FAT2: variants seen among roughly 807,000 people sequenced by gnomAD.
FAT2 encodes protocadherin Fat 2.
FAT2 carries 150 observed loss-of-function variants against 295.3 expected under a neutral mutation model. The ratio of observed to expected loss-of-function variants is 0.51; its 90% confidence interval spans 0.44 to 0.58. FAT2 has a LOEUF of 0.58. Ranked by LOEUF, FAT2 falls within the 20% of genes least tolerant of loss-of-function variation. The pLI, the probability that FAT2 is intolerant of heterozygous loss-of-function variation, is 0.00. For synonymous variants in FAT2, 2,026 were observed against 2,150.3 expected, an observed-to-expected ratio of 0.94 and a Z score of 1.60; for missense variants, 4,868 against 5,442.7, an observed-to-expected ratio of 0.89 and a Z score of 3.32.
chr5:151,513,746 A>G (rs1752559727), intron 20 of FAT2, among the ~76,000 whole-genome samples: 2 of 152,224 alleles, frequency 1.3e-5, no homozygotes, highest in African/African-American at 2.4e-5. Flanking sequence ...AAACTAAACT[A>G]AAAATTGGAA....
Position 151,543,503 on chromosome 5 carries a change from T to G in FAT2, c.7624A>C (p.Lys2542Gln). 1 of 1,614,248 alleles carries G rather than the reference T, an allele frequency of 6.2e-7. No homozygotes were observed. ...NPNGQIATLQ[K>Q]LDRENSTERV... ...TCTGTTGAATTTTCCCGATCCAGTT[T>G]CTGCAGAGTGGCAATCTGGCCATTG... is the stretch of plus-strand genomic sequence containing the variant. The change falls in exon 10 of 24, where the codon AAA becomes CAA. Residue 2542 changes from lysine to glutamine, a missense_variant. By Grantham distance (53) the Lys-to-Gln change is moderately conservative. This residue lies in a region of FAT2 where 3,297 missense variants were observed against 3,669.4 expected (regional missense o/e 0.90). Transcript: ENST00000261800.
intron 12 of FAT2, among the ~76,000 whole-genome samples, chr5:151,535,527 G>T (rs1355177916): frequency 2.0e-5 from 3 of 149,872 alleles, no homozygotes; most frequent in African/African-American, 7.4e-5. Flanking sequence ...GGACATGGGA[G>T]CCCCTTTCCT....
At chr5:151,509,813 T>A in intron 22 of FAT2, 1 of 580,604 alleles carries the variant, frequency 1.7e-6, no homozygotes, top group Non-Finnish European at 3.1e-6. Context: ...CCGTTTCTCC[T>A]GCCTGGTCCG....
rs769869394 is a variant in FAT2, at chr5:151,566,120, G to A, written c.2812C>T (p.Leu938=). 4 of 1,614,060 alleles carry A rather than the reference G, an allele frequency of 2.5e-6. No homozygotes were observed. In the Admixed American group the frequency reaches 5.0e-5, roughly 20 times the overall value. ...EHNRLKVPED[L]PPGTVLTFLD... is the part of the protein sequence containing the mutation. ...AATGTCAAGACAGTCCCGGGGGGCA[G>A]GTCCTCTGGAACCTTCAGCCTGTTG... is the stretch of plus-strand genomic sequence containing the variant. Residue 938 remains leucine, a synonymous_variant, in exon 2 of 24, where the codon CTG becomes TTG. Transcript: ENST00000261800.
chr5:151,537,898 T>TG lies in FAT2; in HGVS notation c.9087dup (p.Ile3030HisfsTer12). 1.2e-6 allele frequency: 2 copies of TG among 1,614,108 alleles called. No individual in the cohort carries two copies. The highest frequency in any genetic ancestry group is 1.7e-6 in the Non-Finnish European group (2 of 1,180,000). ...AAGTCTGTGGCAGAAACCTTCAAAA[T>TG]GAAGTGTCCTGGAAATACATCTTCA... On this transcript the variant is annotated frameshift_variant, in exon 12 of 24. Coordinates refer to ENST00000261800, the MANE Select transcript of FAT2 (RefSeq NM_001447.3). LOFTEE classifies it high-confidence loss of function.
intron 3 of FAT2, among the ~76,000 whole-genome samples, chr5:151,558,729 G>T (rs376169739): frequency 6.6e-6 from 1 of 152,140 alleles, no homozygotes; most frequent in African/African-American, 2.4e-5. Flanking sequence ...ATTCACTAGG[G>T]TCCTAGTACT....
intron 12 of FAT2, among the ~76,000 whole-genome samples, chr5:151,537,439 A>C: frequency 6.8e-6 from 1 of 147,090 alleles, no homozygotes; most frequent in Non-Finnish European, 1.5e-5. Flanking sequence ...AGAGGAAAGG[A>C]GAGGGGAGGG....
intron 12 of FAT2, among the ~76,000 whole-genome samples, chr5:151,534,973 A>ATATATATATATATATATATATG (rs1755094291): frequency 2.5e-5 from 2 of 80,056 alleles, no homozygotes; most frequent in Non-Finnish European, 4.6e-5. Context: ...CTAGGAAAAT[A>ATATATATATATATATATATATG]TATATATATA....
intron 1 of FAT2, among the ~76,000 whole-genome samples, chr5:151,589,193 G>C (rs980473854): frequency 6.6e-6 from 1 of 152,058 alleles, no homozygotes; most frequent in African/African-American, 2.4e-5. Flanking sequence ...GTTTATCCAG[G>C]GGGTACAGGC....
intron 20 of FAT2, among the ~76,000 whole-genome samples, chr5:151,514,952 AT>A (rs1363637298): frequency 1.3e-5 from 2 of 152,334 alleles, no homozygotes; most frequent in Admixed American, 1.3e-4. Context: ...ATTTTCAAAA[AT>A]ATACCTTCTT....
rs773895524 is a variant in FAT2 at position 151,505,746 on chromosome 5, A to T, written c.12869T>A (p.Leu4290Gln). ...QFRQGGGGPC[L>Q]ADGGYKGVGM... ...CACCCCCTTGTAGCCCCCGTCTGCCAGGCAGGGCCCTCCCCCTCCCTGCCG... is the reference window on the plus strand; with the variant it reads ...CACCCCCTTGTAGCCCCCGTCTGCCTGGCAGGGCCCTCCCCCTCCCTGCCG... Residue 4290 changes from leucine (L) to glutamine (Q), a missense_variant, in exon 24 of 24, where the codon CTG becomes CAG. Physicochemically the swap from Leu to Gln is moderately radical, Grantham distance 113 (BLOSUM62 -2). This residue lies in a region of FAT2 where 492 missense variants were observed against 482.6 expected (regional missense o/e 1.02). Coordinates refer to ENST00000261800, the MANE Select transcript of FAT2 (RefSeq NM_001447.3). The T allele has an allele frequency of 6.2e-7, 1 of 1,613,412 alleles. No individual in the cohort carries two copies. Among genetic ancestry groups the T allele is most frequent in the East Asian group, 2.2e-5 (1 of 44,840 alleles).
intron 20 of FAT2, among the ~76,000 whole-genome samples, chr5:151,516,185 A>G (rs1047872090): frequency 9.2e-5 from 14 of 152,134 alleles, no homozygotes; most frequent in Admixed American, 9.2e-4. Context: ...TCTCAATGAA[A>G]GCTTCCCTGG....
intron 5 of FAT2, among the ~76,000 whole-genome samples, chr5:151,554,094 T>C (rs563920817): frequency 4.6e-5 from 7 of 152,310 alleles, no homozygotes; most frequent in African/African-American, 1.7e-4. Context: ...GGCTTATTGG[T>C]TCCAAAGCCC....
Position 151,531,780 on chromosome 5 carries a change from G to T in FAT2, c.9618C>A (p.Val3206=). The change falls in exon 14 of 24, where the codon GTC becomes GTA. Residue 3206 remains valine, a synonymous_variant. Transcript: ENST00000261800. The surrounding 1 kb of genome is among the most constrained non-coding windows in gnomAD (Gnocchi z 5.7). ...IPLSTLGTVT[V]SVVGLEDYLP... is the part of the protein sequence containing the mutation. ...GGTAGTCTTCTAGGCCCACCACCGA[G>T]ACTGTGACGGTGCCCAGCGTGGACA... 6.2e-7 allele frequency: 1 copy of T among 1,612,630 alleles called. No individual in the cohort carries two copies.
At chr5:151,559,218 CT>C (rs1457868527) in intron 3 of FAT2, among the ~76,000 whole-genome samples, 6 of 152,180 alleles carry the variant, frequency 3.9e-5, no homozygotes, top group African/African-American at 1.4e-4. Flanking sequence ...GTGTTCTCGC[CT>C]TGTGCAGTTG....
chr5:151,505,518 A>C lies in FAT2; in HGVS notation c.*47T>G, dbSNP rs987998344. 2.5e-6 allele frequency: 4 copies of C among 1,608,162 alleles called. No homozygotes were observed. The highest frequency in any genetic ancestry group is 3.4e-6 in the Non-Finnish European group (4 of 1,177,946). On this transcript the variant is annotated 3_prime_UTR_variant, in exon 24 of 24. Coordinates refer to ENST00000261800, the MANE Select transcript of FAT2 (RefSeq NM_001447.3). ...CCTACGAGACAGGAAGAAATAAGCC[A>C]AGTCCAGTCCTTGGCCTCCCGCCTG...
chr5:151,592,417 C>G (rs1439836726), upstream of FAT2, among the ~76,000 whole-genome samples: 1 of 152,122 alleles, frequency 6.6e-6, no homozygotes, highest in Non-Finnish European at 1.5e-5. Flanking sequence ...TGCAACCATT[C>G]TGTCCAATCC....
rs1020192595 is a variant in FAT2 at position 151,528,153 on chromosome 5, T to A, written c.10027-20A>T. The stretch of plus-strand genomic sequence containing the variant: ...TGATACCTGCGGTGGGGTAGGGGGA[T>A]TGTGAATGGAGGGACAGGAATCTTG... On this transcript the variant is annotated intron_variant, in intron 15 of 23. Coordinates refer to ENST00000261800, the MANE Select transcript of FAT2 (RefSeq NM_001447.3). 18 of 1,611,454 alleles carry A rather than the reference T, an allele frequency of 1.1e-5. No homozygotes were observed. Among genetic ancestry groups the A allele is most frequent in the Admixed American group, 1.7e-5 (1 of 59,900 alleles).
chr5:151,510,758 A>T (rs1761256164), intron 21 of FAT2: 1 of 152,278 alleles, frequency 6.6e-6, no homozygotes, highest in African/African-American at 2.4e-5. Context: ...ATTTCATTTG[A>T]GATCTGAAGG....
Sources: gnomAD v4.1 joint callset for allele counts (sites outside exome capture counted in the v4.1 genomes callset) on GRCh38, gnomAD v4.1.1 for gene constraint, gnomAD v4.1.1 regional missense constraint, Gnocchi (gnomAD v3.1) non-coding constraint, MANE v1.5 for transcripts, NCBI Gene and HGNC (gene_info 2026-07-23, HGNC 2026-07-21) for gene names.